The following HAUS6 variants were observed in gnomAD, a reference collection of about 807,000 sequenced individuals.
HAUS6 encodes HAUS augmin like complex subunit 6, also known as HAUS augmin-like complex subunit 6.
HAUS6 carries 80 observed loss-of-function variants against 106.8 expected under a neutral mutation model. The ratio of observed to expected loss-of-function variants is 0.75; its 90% CI spans 0.63 to 0.90. The LOEUF (loss-of-function observed/expected upper bound fraction) is 0.90, where lower values mean the gene tolerates loss of function less well. Ranked by LOEUF, HAUS6 falls within the 40% of genes least tolerant of loss-of-function variation. The pLI is 0.00. For missense variants in HAUS6, 1,155 were observed against 1,118.1 expected (o/e 1.03, Z -0.47); for synonymous variants, 356 against 379.1 (o/e 0.94, Z 0.71).
chr9:19,063,612 A>T (rs761562881), intron 12 of HAUS6, 32 bp from the exon 13 acceptor site: 5 of 1,437,528 alleles, frequency 3.5e-6, no homozygotes, highest in Admixed American at 1.7e-5. Context: ...AATCCAAGTT[A>T]TAAGGAGAAA....
intron 12 of HAUS6, chr9:19,065,204 T>C (rs1836735022): frequency 2.0e-5 from 3 of 152,240 alleles, no homozygotes; most frequent in African/African-American, 7.2e-5. Flanking sequence ...CAACATGCTA[T>C]TAAACCTGCT....
At chr9:19,074,445 A>AT (rs1204369682) in intron 11 of HAUS6, among the ~76,000 whole-genome samples, 3 of 151,866 alleles carry the variant, frequency 2.0e-5, no homozygotes, top group South Asian at 2.1e-4. Flanking sequence ...CTAATTTTTC[A>AT]TTTTTTTGTA....
Position 19,092,650 on chromosome 9 carries a change from G to T in HAUS6, c.436+521C>A, listed in dbSNP as rs182940782. 4.1e-3 allele frequency among the ~76,000 whole-genome samples: 545 copies of T among 134,174 alleles called. 2 individuals are homozygous for T. Among genetic ancestry groups the T allele is most frequent in the Middle Eastern group, 0.011 (2 of 190 alleles). The allele number at this position is 134,174 out of a possible 152,430, so 88.0% of individuals were successfully genotyped here. On this transcript the variant is annotated intron_variant, in intron 4 of 16. Transcript: ENST00000380502. ...AAAAAAAAAAAAAAAAAAGCCAGGC[G>T]CATTGGCTCATACCTGTAATCCCAA... is the stretch of plus-strand genomic sequence containing the variant.
At chr9:19,086,401 A>G (rs755178977) in intron 7 of HAUS6, among the ~76,000 whole-genome samples, 1 of 152,162 alleles carries the variant, frequency 6.6e-6, no homozygotes, top group Non-Finnish European at 1.5e-5. Context: ...CATGCAGATC[A>G]TCTGAGCTCA....
rs749869179 is a variant in HAUS6 at position 19,056,340 on chromosome 9, TC to T, written c.*2del. 1.5e-6 allele frequency: 2 copies of T among 1,347,678 alleles called. No homozygotes were observed. Among genetic ancestry groups the T allele is most frequent in the Non-Finnish European group, 2.1e-6 (2 of 938,044 alleles). 83.5% of individuals were successfully genotyped at this position (1,347,678 alleles called of 1,614,324 possible). A position where few individuals can be genotyped will look rare whatever the true frequency, so the allele number is the denominator to read the frequency against. On this transcript the variant is annotated 3_prime_UTR_variant, in exon 17 of 17. Coordinates refer to ENST00000380502, the MANE Select transcript of HAUS6 (RefSeq NM_017645.5). ...ATCATAGTTATATTAAATGGGTACGTCTTCATCTTGTCAAGTCAGACGGTGG... is the reference window on the plus strand; with the variant it reads ...ATCATAGTTATATTAAATGGGTACGTTTCATCTTGTCAAGTCAGACGGTGG...
chr9:19,076,895 G>C (rs1197406601), intron 10 of HAUS6, among the ~76,000 whole-genome samples, 191 bp from the exon 11 acceptor site: 1 of 152,042 alleles, frequency 6.6e-6, no homozygotes, highest in African/African-American at 2.4e-5. Context: ...CTAGGCTAAA[G>C]AGCAGTGACA....
In HAUS6 at chr9:19,076,594, T is replaced by C; in HGVS notation, c.1294+8A>G. On this transcript the variant is annotated splice_region_variant and intron_variant, in intron 11 of 16. Transcript: ENST00000380502. Reference sequence around the variant, plus strand: ...TTTCAAAGAGAAAAAAATAAATAAATAACCAACCTGGAAGTGAAGCAGGAT... The same window carrying C: ...TTTCAAAGAGAAAAAAATAAATAAACAACCAACCTGGAAGTGAAGCAGGAT... The C allele has an allele frequency of 7.3e-7, 1 of 1,362,530 alleles. No individual in the cohort carries two copies. Among genetic ancestry groups the C allele is most frequent in the Non-Finnish European group, 1.0e-6 (1 of 960,838 alleles). 84.4% of individuals were successfully genotyped at this position (1,362,530 alleles called of 1,614,324 possible).
chr9:19,099,902 A>T (rs1817950879), intron 1 of HAUS6, among the ~76,000 whole-genome samples: 1 of 152,190 alleles, frequency 6.6e-6, no homozygotes, highest in African/African-American at 2.4e-5. Context: ...GAATAGAATT[A>T]AACTTAGCTG....
Position 19,096,073 on chromosome 9 carries a change from T to C in HAUS6, c.224+601A>G, listed in dbSNP as rs1258482831. On this transcript the variant is annotated intron_variant, in intron 2 of 16. Transcript: ENST00000380502. The stretch of plus-strand genomic sequence containing the variant: ...ATTTAATTGTTTTGCTAACAATAAT[T>C]TGCTTAATTATTAAGACCGTAAATA... Among the ~76,000 whole-genome samples the C allele has an allele frequency of 2.0e-5, 3 of 152,268 alleles. No individual in the cohort carries two copies. The East Asian group carries it at 5.8e-4, about 29-fold the overall frequency.
intron 11 of HAUS6, among the ~76,000 whole-genome samples, chr9:19,072,732 G>A (rs957245873): frequency 6.6e-6 from 1 of 152,120 alleles, no homozygotes; most frequent in Admixed American, 6.5e-5. Context: ...CAAGAACTAA[G>A]CATATACTTT....
Position 19,102,564 on chromosome 9 carries a change from T to C in HAUS6, c.88A>G (p.Ile30Val), listed in dbSNP as rs780750705. 6.2e-7 allele frequency: 1 copy of C among 1,613,718 alleles called. No homozygotes were observed. The highest frequency in any genetic ancestry group is 8.5e-7 in the Non-Finnish European group (1 of 1,179,870). ...TGCGACACGATCTTTCCGCAGGCAA[T>C]GGTTGCCGGGCCTGGCTCGAAGCCG... The part of the protein sequence containing the change: ...ALGFEPGPAT[I>V]ACGKIVSHTH... Residue 30 changes from isoleucine (I) to valine (V), a missense_variant, in exon 1 of 17, where the codon ATT (isoleucine) becomes GTT (valine). Ile to Val is a conservative substitution (Grantham distance 29). This residue lies in a region of HAUS6 where 761 missense variants were observed against 690.0 expected (regional missense o/e 1.10). Transcript: ENST00000380502.
At chr9:19,098,053 G>GT (rs1215115347) in intron 1 of HAUS6, among the ~76,000 whole-genome samples, 2 of 152,142 alleles carry the variant, frequency 1.3e-5, no homozygotes, top group Admixed American at 6.6e-5. Context: ...CAAACCTGTT[G>GT]TTTTTTCACA....
At chr9:19,093,868 C>T (rs1564021080) in intron 3 of HAUS6, among the ~76,000 whole-genome samples, 1 of 151,006 alleles carries the variant, frequency 6.6e-6, no homozygotes, top group African/African-American at 2.4e-5. Context: ...GACTCTGTCT[C>T]AAAAAAAAGT....
intron 1 of HAUS6, among the ~76,000 whole-genome samples, chr9:19,097,042 T>C (rs1301128132): frequency 1.3e-5 from 2 of 152,180 alleles, no homozygotes; most frequent in Non-Finnish European, 2.9e-5. Flanking sequence ...AAAACCTATT[T>C]CAAGAGAAAC....
chr9:19,088,153 G>A (rs1203235763), intron 5 of HAUS6, among the ~76,000 whole-genome samples: 2 of 152,180 alleles, frequency 1.3e-5, no homozygotes, highest in Admixed American at 6.5e-5. Flanking sequence ...AGTGGCTCAC[G>A]CCTATAATCC....
intron 8 of HAUS6, among the ~76,000 whole-genome samples, chr9:19,081,508 T>C (rs1837149709): frequency 6.6e-6 from 1 of 152,030 alleles, no homozygotes; most frequent in Middle Eastern, 3.2e-3. Context: ...GGCTCAATCT[T>C]GGCTCATTGC....
At chr9:19,079,800 G>C (rs62563639) in intron 9 of HAUS6, among the ~76,000 whole-genome samples, 18 of 151,682 alleles carry the variant, frequency 1.2e-4, no homozygotes, top group African/African-American at 4.1e-4. Flanking sequence ...CTACTCGGGA[G>C]TCTGAGGCAG....
chr9:19,060,122 T>G lies in HAUS6; in HGVS notation c.1731A>C (p.Thr577=), dbSNP rs1836575477. The change falls in exon 15 of 17, where the codon ACA becomes ACC. Residue 577 remains threonine, a synonymous_variant. Coordinates refer to ENST00000380502, the MANE Select transcript of HAUS6 (RefSeq NM_017645.5). ...CTGGAGTACGGGGAATCTGATTCCTTGTTAAGAAGGGGTTAGAACCCAGAG... is the reference window on the plus strand; with the variant it reads ...CTGGAGTACGGGGAATCTGATTCCTGGTTAAGAAGGGGTTAGAACCCAGAG... The part of the protein sequence containing the change: ...IDSLGSNPFL[T]RNQIPRTPEN... The G allele has an allele frequency of 1.9e-6, 3 of 1,606,530 alleles. No homozygotes were observed. Among genetic ancestry groups the G allele is most frequent in the Non-Finnish European group, 2.6e-6 (3 of 1,175,710 alleles).
chr9:19,066,066 G>A (rs1460104391), intron 12 of HAUS6, among the ~76,000 whole-genome samples: 2 of 151,312 alleles, frequency 1.3e-5, no homozygotes, highest in African/African-American at 2.4e-5. Context: ...CTCCTGAGTA[G>A]CTGGAATTAC....
Sources: allele counts gnomAD v4.1 joint callset (sites outside exome capture counted in the v4.1 genomes callset), GRCh38; gene constraint gnomAD v4.1.1; regional missense constraint gnomAD v4.1.1; transcripts MANE v1.5; gene names NCBI Gene and HGNC (gene_info 2026-07-23, HGNC 2026-07-21).